SSTR3: variants seen among roughly 807,000 people sequenced by gnomAD.
SSTR3 encodes the protein somatostatin receptor type 3.
For synonymous variants in SSTR3, 281 were observed against 269.2 expected, an observed-to-expected ratio of 1.04 and a Z score of -0.43; for missense variants, 504 against 604.7, an observed-to-expected ratio of 0.83 and a Z score of 1.75.
intron 1 of SSTR3, chr22:37,211,054 T>TGGAG: frequency 1.1e-6 from 1 of 879,138 alleles, no homozygotes; most frequent in Non-Finnish European, 1.4e-6. Context: ...CTGCAAAGGG[T>TGGAG]CACCCAGCTG....
upstream of SSTR3, among the ~76,000 whole-genome samples, chr22:37,215,472 A>G (rs8142247): frequency 0.39 from 59,457 of 151,836 alleles, 12,177 homozygotes; most frequent in East Asian, 0.75. Flanking sequence ...TGCAACCTCC[A>G]CCTCCCAGGT....
chr22:37,211,971 C>G lies in SSTR3; in HGVS notation c.-183G>C. 1.0e-6 allele frequency: 1 copy of G among 985,696 alleles called. No homozygotes were observed. The highest frequency in any genetic ancestry group is 1.2e-6 in the Non-Finnish European group (1 of 830,138). 61.1% of individuals were successfully genotyped at this position (985,696 alleles called of 1,614,324 possible). Reference sequence around the variant, plus strand: ...CCCACTTCTAGACCGCTTGCGGGCTCAGGTTCCCTCCCAGGCCCTCGGCCA... The same window carrying G: ...CCCACTTCTAGACCGCTTGCGGGCTGAGGTTCCCTCCCAGGCCCTCGGCCA... On this transcript the variant is annotated 5_prime_UTR_variant, in exon 1 of 2. Coordinates refer to ENST00000610913, the MANE Select transcript of SSTR3 (RefSeq NM_001051.5).
At chr22:37,211,804 T>G in intron 1 of SSTR3, 21 bp downstream of exon 1, 4 of 985,462 alleles carry the variant, frequency 4.1e-6, no homozygotes, top group Non-Finnish European at 4.8e-6. Context: ...CGGGACATCA[T>G]CCGGGCCCCA....
At chr22:37,208,572 C>T (rs1226351002) in intron 1 of SSTR3, among the ~76,000 whole-genome samples, 1 of 152,242 alleles carries the variant, frequency 6.6e-6, no homozygotes, top group Non-Finnish European at 1.5e-5. Flanking sequence ...ATTCACTTAG[C>T]AGATGCTATC....
At position 37,207,841 on chromosome 22, in the gene SSTR3, T is replaced by G; in HGVS notation, c.-36-2A>C. ...GGTGGTCAGCAGTCAGCTATTTGCC[T>G]GGGGGAAGGAAAAACAGCTCGGTCA... is the stretch of plus-strand genomic sequence containing the variant. On this transcript the variant is annotated splice_acceptor_variant, in intron 1 of 1. Transcript: ENST00000610913. LOFTEE classifies it low-confidence loss of function (5UTR_SPLICE). The G allele has an allele frequency of 6.8e-7, 1 of 1,480,252 alleles. No homozygotes were observed. The highest frequency in any genetic ancestry group is 1.4e-5 in the South Asian group (1 of 69,796). The allele number at this position is 1,480,252 out of a possible 1,614,324, so 91.7% of individuals were successfully genotyped here. A position where few individuals can be genotyped will look rare whatever the true frequency, so the allele number is the denominator to read the frequency against.
chr22:37,206,738 C>T lies in SSTR3; in HGVS notation c.1066G>A (p.Glu356Lys), dbSNP rs753806021. The T allele has an allele frequency of 5.6e-6, 9 of 1,609,488 alleles. No homozygotes were observed. In the South Asian group the frequency reaches 8.8e-5, roughly 16 times the overall value. Residue 356 changes from glutamate to lysine, a missense_variant, in exon 2 of 2, where the codon GAG becomes AAG. Physicochemically the swap from Glu to Lys is moderately conservative, Grantham distance 56. Coordinates refer to ENST00000610913, the MANE Select transcript of SSTR3 (RefSeq NM_001051.5). ...EKTEEEDEEE[E>K]DGEESREGGK... is the part of the protein sequence containing the mutation. The stretch of plus-strand genomic sequence containing the variant: ...CCCTCCCTGCTCTCCTCCCCATCCT[C>T]CTCCTCCTCATCCTCCTCCTCAGTC...
chr22:37,216,224 C>T (rs1449325730), upstream of SSTR3, among the ~76,000 whole-genome samples: 1 of 150,212 alleles, frequency 6.7e-6, no homozygotes, highest in African/African-American at 2.5e-5. Context: ...TAATCCCACC[C>T]GCTCGGCAAT....
chr22:37,210,707 G>A (rs1479654139), intron 1 of SSTR3: 15 of 985,334 alleles, frequency 1.5e-5, no homozygotes, highest in South Asian at 4.7e-5. Flanking sequence ...GGAGGAGACA[G>A]CACAGAGAGG....
rs772468088 is a variant in SSTR3, at chr22:37,207,534, G to A, written c.270C>T (p.Asp90=). ...AGGGCAGCCCCAGCATGAAGAGCTC[G>A]TCGGCCAGCGCCAGGTTGAGGATGT... ...NVYILNLALA[D]ELFMLGLPFL... Residue 90 remains aspartate, a synonymous_variant, in exon 2 of 2, where the codon GAC becomes GAT. Transcript: ENST00000610913. 63 of 1,613,572 alleles carry A rather than the reference G, an allele frequency of 3.9e-5. No individual in the cohort carries two copies. The highest frequency in any genetic ancestry group is 3.3e-4 in the Middle Eastern group (2 of 6,084).
chr22:37,219,946 T>C, the SSTR3 span, among the ~76,000 whole-genome samples: 3 of 152,126 alleles, frequency 2.0e-5, no homozygotes, highest in African/African-American at 7.2e-5. Context: ...TAAAGTCCAT[T>C]CTTTCACCCA....
chr22:37,215,262 A>T (rs1411300435), upstream of SSTR3, among the ~76,000 whole-genome samples: 9 of 151,586 alleles, frequency 5.9e-5, no homozygotes, highest in South Asian at 2.1e-4. Flanking sequence ...TTTTTTTTTT[A>T]AAAGAAACAG....
At position 37,207,639 on chromosome 22, in the gene SSTR3, G is replaced by C. The variant is rs142559355; in HGVS notation, c.165C>G (p.Cys55Trp). 23 of 1,599,680 alleles carry C rather than the reference G, an allele frequency of 1.4e-5. No homozygotes were observed. Among genetic ancestry groups the C allele is most frequent in the Non-Finnish European group, 2.0e-5 (23 of 1,170,594 alleles). ...VLIPLVYLVV[C>W]VVGLLGNSLV... ...GCGAGTTACCCAGCAGGCCCACCAC[G>C]CACACCACCAGGTAGACCAGGGGGA... is the stretch of plus-strand genomic sequence containing the variant. The change falls in exon 2 of 2, where the codon TGC (cysteine) becomes TGG (tryptophan). Residue 55 changes from cysteine (C) to tryptophan (W), a missense_variant. Coordinates refer to ENST00000610913, the MANE Select transcript of SSTR3 (RefSeq NM_001051.5).
chr22:37,214,847 C>A (rs760172780), upstream of SSTR3, among the ~76,000 whole-genome samples: 18 of 152,138 alleles, frequency 1.2e-4, no homozygotes, highest in Non-Finnish European at 2.1e-4. Context: ...CCTGCGCTTC[C>A]GCCACTCGGC....
At chr22:37,211,622 C>A (rs1926196844) in intron 1 of SSTR3, among the ~76,000 whole-genome samples, 2 of 152,284 alleles carry the variant, frequency 1.3e-5, no homozygotes, top group South Asian at 4.1e-4. Context: ...TTCCGAGATC[C>A]TAGAATCATG....
chr22:37,216,681 C>T (rs1223873479), upstream of SSTR3, among the ~76,000 whole-genome samples: 1 of 152,234 alleles, frequency 6.6e-6, no homozygotes, highest in East Asian at 1.9e-4. Flanking sequence ...ATTCTCTCTC[C>T]ATTGTTGTTT....
intron 1 of SSTR3, among the ~76,000 whole-genome samples, chr22:37,208,777 TG>T (rs1419085275): frequency 6.6e-6 from 1 of 152,186 alleles, no homozygotes; most frequent in Non-Finnish European, 1.5e-5. Flanking sequence ...CCCTCCCCTG[TG>T]GAGTCTCCAG....
intron 1 of SSTR3, among the ~76,000 whole-genome samples, chr22:37,210,091 C>G (rs896138960): frequency 1.3e-5 from 2 of 152,232 alleles, no homozygotes; most frequent in African/African-American, 2.4e-5. Flanking sequence ...TCACCATCCA[C>G]CTTGCTGCCC....
chr22:37,219,524 C>T, the SSTR3 span, among the ~76,000 whole-genome samples: 2 of 152,192 alleles, frequency 1.3e-5, no homozygotes, highest in Non-Finnish European at 2.9e-5. Context: ...TCCTGCTCTG[C>T]CTCCCATATC....
upstream of SSTR3, among the ~76,000 whole-genome samples, chr22:37,213,288 C>T (rs548280031): frequency 3.3e-5 from 5 of 152,308 alleles, no homozygotes; most frequent in East Asian, 3.9e-4. Context: ...CTTGGGATGC[C>T]GTGCCCCTGC....
Sources: allele counts gnomAD v4.1 joint callset (sites outside exome capture counted in the v4.1 genomes callset), GRCh38; gene constraint gnomAD v4.1.1; transcripts MANE v1.5; gene names NCBI Gene and HGNC (gene_info 2026-07-23, HGNC 2026-07-21).